CDC27: variants seen among roughly 807,000 people sequenced by gnomAD.
The protein encoded by CDC27 is cell division cycle 27, also known as cell division cycle protein 27 homolog.
In CDC27, 27 loss-of-function variants were observed where a neutral mutation model predicts 109.7. The observed-to-expected ratio is 0.25, with a 90% CI of 0.18 to 0.34. The LOEUF is 0.34. Ranked by LOEUF, CDC27 falls within the 10% of genes least tolerant of loss-of-function variation. CDC27 has a pLI of 1.00. For missense variants in CDC27, 579 were observed against 960.2 expected (o/e 0.60, Z 5.25); for synonymous variants, 266 against 333.9 (o/e 0.80, Z 2.22).
intron 9 of CDC27, among the ~76,000 whole-genome samples, chr17:47,148,999 A>G (rs2063064048): frequency 6.7e-6 from 1 of 149,806 alleles, no homozygotes; most frequent in African/African-American, 2.5e-5. Flanking sequence ...GAATTGCTTG[A>G]ACTCGGGAAG....
chr17:47,161,407 T>C (rs2063494323), intron 4 of CDC27, among the ~76,000 whole-genome samples: 1 of 151,854 alleles, frequency 6.6e-6, no homozygotes, highest in South Asian at 2.1e-4. Context: ...AGTAATAGGG[T>C]GGAACGTGGC....
At chr17:47,135,407 A>AGAT (rs201672676) in intron 14 of CDC27, among the ~76,000 whole-genome samples, 1,949 of 150,640 alleles carry the variant, frequency 0.013, 11 homozygotes, top group African/African-American at 0.023. Context: ...GGCCATAACT[A>AGAT]GATGATGATG....
intron 9 of CDC27, among the ~76,000 whole-genome samples, chr17:47,149,245 G>A (rs1419271407): frequency 6.6e-6 from 1 of 151,952 alleles, no homozygotes; most frequent in Non-Finnish European, 1.5e-5. Context: ...GTGCGGTGGG[G>A]CTCATGACTG....
chr17:47,149,123 A>G (rs369215989), intron 9 of CDC27, among the ~76,000 whole-genome samples: 2 of 151,828 alleles, frequency 1.3e-5, no homozygotes, highest in East Asian at 3.8e-4. Context: ...CTTGCCTAGT[A>G]AAAATATTGT....
At chr17:47,187,548 C>T (rs896777989) in intron 1 of CDC27, among the ~76,000 whole-genome samples, 7 of 151,778 alleles carry the variant, frequency 4.6e-5, no homozygotes, top group African/African-American at 1.2e-4. Flanking sequence ...GTGATCCACC[C>T]GCCTCAGCCT....
chr17:47,133,580 C>T (rs1254052203), intron 14 of CDC27, among the ~76,000 whole-genome samples: 1 of 151,874 alleles, frequency 6.6e-6, no homozygotes, highest in Non-Finnish European at 1.5e-5. Flanking sequence ...GCTGGGATTA[C>T]AGGCATGCGC....
intron 4 of CDC27, among the ~76,000 whole-genome samples, chr17:47,162,616 A>G (rs143181804): frequency 1.3e-5 from 2 of 152,242 alleles, no homozygotes. Flanking sequence ...AAGTAGACAA[A>G]CATTGATTAA....
chr17:47,124,581 G>A (rs1235546167), intron 16 of CDC27, among the ~76,000 whole-genome samples: 1 of 152,084 alleles, frequency 6.6e-6, no homozygotes, highest in African/African-American at 2.4e-5. Context: ...ACCATGCCCG[G>A]CCCAGTGATT....
intron 13 of CDC27, 152 bp from the exon 14 acceptor site, chr17:47,137,512 A>G (rs1402075249): frequency 1.3e-5 from 7 of 520,696 alleles, no homozygotes; most frequent in East Asian, 1.3e-4. Flanking sequence ...CACAGATTCC[A>G]TATTTGTGAA....
In CDC27 at chr17:47,120,678, A is replaced by G. The variant is rs1324973611; in HGVS notation, c.*257T>C. ...TCCAACAAAGGGAGATTAAAGAAAAACAGAAAAGAAAGTTCCCCACCCTAC... is the reference window on the plus strand; with the variant it reads ...TCCAACAAAGGGAGATTAAAGAAAAGCAGAAAAGAAAGTTCCCCACCCTAC... On this transcript the variant is annotated 3_prime_UTR_variant, in exon 19 of 19. Transcript: ENST00000066544. 2.9e-6 allele frequency: 1 copy of G among 350,876 alleles called. No homozygotes were observed. The highest frequency in any genetic ancestry group is 4.3e-5 in the East Asian group (1 of 23,332). The allele number at this position is 350,876 out of a possible 1,614,324, so 21.7% of individuals were successfully genotyped here. A position where few individuals can be genotyped will look rare whatever the true frequency, so the allele number is the denominator to read the frequency against.
At chr17:47,126,627 G>T (rs1426110001) in intron 16 of CDC27, among the ~76,000 whole-genome samples, 1 of 152,144 alleles carries the variant, frequency 6.6e-6, no homozygotes, top group East Asian at 1.9e-4. Context: ...GGCCTATCTG[G>T]TAGGTATGTT....
At chr17:47,150,942 G>A (rs1020097397) in intron 9 of CDC27, among the ~76,000 whole-genome samples, 5 of 152,204 alleles carry the variant, frequency 3.3e-5, no homozygotes, top group Admixed American at 2.6e-4. Context: ...TGAGGCAGGA[G>A]AATCACTTGA....
At chr17:47,144,023 G>C in intron 9 of CDC27, 41 bp from the exon 10 acceptor site, 1 of 818,818 alleles carries the variant, frequency 1.2e-6, no homozygotes, top group South Asian at 3.3e-5. Flanking sequence ...TATTTTACTT[G>C]ATTTATGACC....
intron 16 of CDC27, among the ~76,000 whole-genome samples, chr17:47,128,992 G>A (rs1464653678): frequency 6.6e-6 from 1 of 152,068 alleles, no homozygotes; most frequent in Non-Finnish European, 1.5e-5. Context: ...GGCTGGTCTT[G>A]AACTCCTGAC....
intron 2 of CDC27, among the ~76,000 whole-genome samples, chr17:47,174,330 C>T (rs2063914784): frequency 1.3e-5 from 2 of 152,186 alleles, no homozygotes; most frequent in African/African-American, 4.8e-5. Flanking sequence ...GTAACTCCAA[C>T]TTACGGATAA....
At chr17:47,159,144 GT>G (rs1243412515) in intron 4 of CDC27, 3 of 340,056 alleles carry the variant, frequency 8.8e-6, no homozygotes, top group East Asian at 4.3e-5. Context: ...ATTTGTTGTT[GT>G]TTTTTTTCCA....
At position 47,130,692 on chromosome 17, in the gene CDC27, T is replaced by C. The variant is rs1300734259; in HGVS notation, c.2032-1171A>G. On this transcript the variant is annotated intron_variant, in intron 15 of 18. Coordinates refer to ENST00000066544, the MANE Select transcript of CDC27 (RefSeq NM_001256.6). The stretch of plus-strand genomic sequence containing the variant: ...GAGTTCGAGACCAGCCTGGCCAACA[T>C]GATGAAACCCCCGTCTCTACTAAAA... Among the ~76,000 whole-genome samples the C allele has an allele frequency of 2.0e-5, 3 of 151,764 alleles. No homozygotes were observed. In the South Asian group the frequency reaches 6.2e-4, roughly 32 times the overall value.
chr17:47,143,867 G>T lies in CDC27; in HGVS notation c.1170+16C>A. On this transcript the variant is annotated intron_variant, in intron 10 of 18. Transcript: ENST00000066544. ...AAGCATTAAGTAAATGTGACATACA[G>T]AAATCTTTAAATTACCTTGGTTGTG... The T allele has an allele frequency of 2.3e-6, 3 of 1,305,462 alleles. No individual in the cohort carries two copies. The highest frequency in any genetic ancestry group is 3.1e-6 in the Non-Finnish European group (3 of 973,062). 80.9% of individuals were successfully genotyped at this position (1,305,462 alleles called of 1,614,324 possible).
rs548608109 is a variant in CDC27, at chr17:47,161,412, C to T, written c.378-3109G>A. On this transcript the variant is annotated intron_variant, in intron 4 of 18. Coordinates refer to ENST00000066544, the MANE Select transcript of CDC27 (RefSeq NM_001256.6). ...ATTTGCTGAAAGTAATAGGGTGGAA[C>T]GTGGCAAATCAGTGCTTGGGAGCTT... Among the ~76,000 whole-genome samples, 134 of 152,154 alleles carry T rather than the reference C, an allele frequency of 8.8e-4. 4 individuals are homozygous for T. Among genetic ancestry groups the T allele is most frequent in the Non-Finnish European group, 2.4e-4 (16 of 67,994 alleles).
Sources: gnomAD v4.1 joint callset for allele counts (sites outside exome capture counted in the v4.1 genomes callset) on GRCh38, gnomAD v4.1.1 for gene constraint, MANE v1.5 for transcripts, NCBI Gene and HGNC (gene_info 2026-07-23, HGNC 2026-07-21) for gene names.